KDM6A: variants seen among roughly 807,000 people sequenced by gnomAD.
KDM6A encodes lysine-specific demethylase 6A.
In KDM6A, 11 loss-of-function variants were observed where a neutral mutation model predicts 117.6. The ratio of observed to expected loss-of-function variants is 0.09; its 90% CI spans 0.06 to 0.15. KDM6A has a LOEUF of 0.15. Ranked by LOEUF, KDM6A falls within the 10% of genes least tolerant of loss-of-function variation. The pLI is 1.00. For missense variants in KDM6A, 799 were observed against 1,077.3 expected (o/e 0.74, Z 3.62); for synonymous variants, 384 against 396.1 (o/e 0.97, Z 0.36).
chrX:44,984,046 A>G (rs1369005103), intron 4 of KDM6A, among the ~76,000 whole-genome samples: 3 of 110,524 alleles, frequency 2.7e-5, no homozygotes, highest in Non-Finnish European at 5.7e-5. Context: ...AAGTGTTCCT[A>G]TTTCTCTACA....
intron 3 of KDM6A, among the ~76,000 whole-genome samples, chrX:44,969,204 T>C (rs1019801174): frequency 1.8e-5 from 2 of 110,120 alleles, no homozygotes; most frequent in Non-Finnish European, 3.8e-5. Flanking sequence ...TTCCCTGAAA[T>C]TCTAGCCAGT....
intron 18 of KDM6A, among the ~76,000 whole-genome samples, chrX:45,073,340 C>T (rs748028829): frequency 9.9e-5 from 11 of 111,464 alleles, no homozygotes; most frequent in East Asian, 2.8e-4. Flanking sequence ...CATACGTGTG[C>T]GTGTGTCTTT....
chrX:45,092,500 G>T (rs893136469), intron 27 of KDM6A, among the ~76,000 whole-genome samples: 8 of 111,119 alleles, frequency 7.2e-5, no homozygotes, highest in African/African-American at 9.8e-5. Context: ...CCTGTCATTT[G>T]GTCCCAATTT....
rs749272840 is a variant in KDM6A, at chrX:45,015,476, T to C, written c.443+4457T>C. Reference sequence around the variant, plus strand: ...CTAGTCACAAGTGTTCTTAGGGGTGTAGGAATTTCTACTCTCCTGTATAGT... The same window carrying C: ...CTAGTCACAAGTGTTCTTAGGGGTGCAGGAATTTCTACTCTCCTGTATAGT... On this transcript the variant is annotated intron_variant, in intron 5 of 29. Transcript: ENST00000611820. 2.7e-5 allele frequency among the ~76,000 whole-genome samples: 3 copies of C among 111,192 alleles called. No individual in the cohort carries two copies. In the South Asian group the frequency reaches 1.1e-3, roughly 42 times the overall value.
intron 18 of KDM6A, among the ~76,000 whole-genome samples, chrX:45,075,091 C>G (rs1046251719): frequency 2.7e-5 from 3 of 111,769 alleles, no homozygotes; most frequent in Middle Eastern, 4.6e-3. Context: ...AGTAGTATAT[C>G]CATCTCCTTT....
chrX:45,054,543 A>G (rs1452465812), intron 10 of KDM6A, among the ~76,000 whole-genome samples: 1 of 112,077 alleles, frequency 8.9e-6, no homozygotes, highest in Non-Finnish European at 1.9e-5. Context: ...CCATTTCTCC[A>G]TACTATTTAT....
chrX:44,970,264 C>T (rs2039277935), intron 3 of KDM6A, among the ~76,000 whole-genome samples: 1 of 111,744 alleles, frequency 8.9e-6, no homozygotes, highest in African/African-American at 3.3e-5. Context: ...TCTGTTCCTG[C>T]CATTTAGAGT....
chrX:44,896,633 T>A (rs887015103), intron 2 of KDM6A, among the ~76,000 whole-genome samples: 3 of 107,776 alleles, frequency 2.8e-5, no homozygotes, highest in Admixed American at 1.0e-4. Flanking sequence ...CTTTTTTTTT[T>A]TTTTTTTCAG....
chrX:45,088,739 G>A lies in KDM6A; in HGVS notation c.3705-1004G>A, dbSNP rs571758705. Among the ~76,000 whole-genome samples, 61 of 112,997 alleles carry A rather than the reference G, an allele frequency of 5.4e-4. No individual in the cohort carries two copies. The South Asian group carries it at 0.021, about 38-fold the overall frequency. On this transcript the variant is annotated intron_variant, in intron 25 of 29. Coordinates refer to ENST00000611820, the MANE Select transcript of KDM6A (RefSeq NM_001291415.2). ...GAAGTGGTTAATTCAATTTTATAAAGTTCTTTTATGGGAAAGGTTGCTATG... is the reference window on the plus strand; with the variant it reads ...GAAGTGGTTAATTCAATTTTATAAAATTCTTTTATGGGAAAGGTTGCTATG...
At chrX:44,971,944 G>A (rs1287737947) in intron 3 of KDM6A, among the ~76,000 whole-genome samples, 1 of 110,341 alleles carries the variant, frequency 9.1e-6, no homozygotes, top group African/African-American at 3.3e-5. Flanking sequence ...GAGGCTGGGG[G>A]AAGGGTGAAC....
At chrX:44,908,216 T>A (rs943861261) in intron 2 of KDM6A, among the ~76,000 whole-genome samples, 5 of 111,393 alleles carry the variant, frequency 4.5e-5, no homozygotes, top group Non-Finnish European at 7.5e-5. Context: ...ATGTACTTTT[T>A]GTGTTTCATA....
chrX:44,880,040 G>T (rs1291753031), intron 2 of KDM6A, among the ~76,000 whole-genome samples: 3 of 109,442 alleles, frequency 2.7e-5, no homozygotes, highest in Non-Finnish European at 3.8e-5. Context: ...GGGCGTGGTG[G>T]CGTGCACCTG....
intron 27 of KDM6A, among the ~76,000 whole-genome samples, chrX:45,093,106 G>T (rs1035899242): frequency 1.8e-5 from 2 of 110,882 alleles, no homozygotes; most frequent in African/African-American, 6.6e-5. Context: ...GATCTAGTGG[G>T]TGCAGTGGCT....
chrX:44,885,851 CAG>C (rs1470979882), intron 2 of KDM6A, among the ~76,000 whole-genome samples: 4 of 109,907 alleles, frequency 3.6e-5, no homozygotes, highest in Admixed American at 9.7e-5. Flanking sequence ...GCCTGGGTGA[CAG>C]AGTCAGACTC....
intron 24 of KDM6A, among the ~76,000 whole-genome samples, chrX:45,083,913 G>A (rs1172521743): frequency 3.6e-5 from 4 of 111,814 alleles, no homozygotes; most frequent in Non-Finnish European, 5.6e-5. Flanking sequence ...GAGTGATGGG[G>A]TGCAGTGTTT....
chrX:44,963,308 A>T (rs1478921685), intron 3 of KDM6A, among the ~76,000 whole-genome samples: 1 of 109,597 alleles, frequency 9.1e-6, no homozygotes, highest in Non-Finnish European at 1.9e-5. Context: ...AAAAAAAAAA[A>T]TTTAGCTGAG....
chrX:44,911,117 G>T (rs1369910308), intron 2 of KDM6A, among the ~76,000 whole-genome samples: 1 of 108,367 alleles, frequency 9.2e-6, no homozygotes, highest in African/African-American at 3.4e-5. Flanking sequence ...CGGCTGGCCG[G>T]GCGGGGGCTG....
chrX:45,094,793 C>T (rs1294518923), intron 27 of KDM6A, among the ~76,000 whole-genome samples: 2 of 111,532 alleles, frequency 1.8e-5, no homozygotes, highest in East Asian at 2.8e-4. Flanking sequence ...TGTGCATTTG[C>T]GTGAGCTTAA....
chrX:44,973,529 T>C (rs1299733288), intron 3 of KDM6A, among the ~76,000 whole-genome samples: 1 of 111,950 alleles, frequency 8.9e-6, no homozygotes, highest in South Asian at 3.7e-4. Flanking sequence ...TAATTTTAGG[T>C]TGGAAATAAT....
Sources: gnomAD v4.1 joint callset for allele counts (sites outside exome capture counted in the v4.1 genomes callset) on GRCh38, gnomAD v4.1.1 for gene constraint, MANE v1.5 for transcripts, NCBI Gene and HGNC (gene_info 2026-07-23, HGNC 2026-07-21) for gene names.